DPYSL2: variants seen among roughly 807,000 people sequenced by gnomAD.
The protein encoded by DPYSL2 is dihydropyrimidinase like 2, also known as dihydropyrimidinase-related protein 2.
In DPYSL2, 13 loss-of-function variants were observed where a neutral mutation model predicts 69.9. That is an observed-to-expected ratio of 0.19 (90% confidence interval 0.12 to 0.30). DPYSL2 has a LOEUF of 0.30. Ranked by LOEUF, DPYSL2 falls within the 10% of genes least tolerant of loss-of-function variation. DPYSL2 has a pLI of 1.00. For missense variants in DPYSL2, 587 were observed against 918.9 expected (o/e 0.64, Z 4.67); for synonymous variants, 326 against 359.1 (o/e 0.91, Z 1.04).
At position 26,640,220 on chromosome 8, in the gene DPYSL2, A is replaced by T. The variant is rs1803009964; in HGVS notation, c.1127-3219A>T. Among the ~76,000 whole-genome samples, 2 of 152,180 alleles carry T rather than the reference A, an allele frequency of 1.3e-5. No homozygotes were observed. The highest frequency in any genetic ancestry group is 4.8e-5 in the African/African-American group (2 of 41,428). Reference sequence around the variant, plus strand: ...AACCGCAGCCTTCCATTTATTCTTCATGAATGCACACGGGCCCCAGACTGG... The same window carrying T: ...AACCGCAGCCTTCCATTTATTCTTCTTGAATGCACACGGGCCCCAGACTGG... On this transcript the variant is annotated intron_variant, in intron 8 of 13. Transcript: ENST00000521913. The surrounding 1 kb of genome is among the most constrained non-coding windows in gnomAD (Gnocchi z 4.2).
intron 1 of DPYSL2, among the ~76,000 whole-genome samples, chr8:26,522,132 A>ACC (rs1356132721): frequency 6.6e-6 from 1 of 151,734 alleles, no homozygotes; most frequent in Non-Finnish European, 1.5e-5. Context: ...ACATGGTGAA[A>ACC]CCCCATCTCT....
chr8:26,577,915 C>G, intron 1 of DPYSL2: 1 of 1,156,502 alleles, frequency 8.6e-7, no homozygotes, highest in South Asian at 2.0e-5. Flanking sequence ...GGCGCATGCG[C>G]CACGGTGGCC....
chr8:26,655,176 A>T (rs1803357070), intron 13 of DPYSL2, among the ~76,000 whole-genome samples: 1 of 151,864 alleles, frequency 6.6e-6, no homozygotes, highest in Non-Finnish European at 1.5e-5. Context: ...CTGTAGTCTA[A>T]ACTTCAGTGA....
chr8:26,522,479 G>A (rs1808404151), intron 1 of DPYSL2, among the ~76,000 whole-genome samples: 1 of 152,192 alleles, frequency 6.6e-6, no homozygotes. Context: ...AACATTTGAA[G>A]GTTCCAACTT....
At chr8:26,522,408 T>C (rs1454702591) in intron 1 of DPYSL2, among the ~76,000 whole-genome samples, 2 of 152,220 alleles carry the variant, frequency 1.3e-5, no homozygotes, top group Non-Finnish European at 2.9e-5. Context: ...TATGTTTAGC[T>C]CTTCGAGGAA....
rs1801884299 is a variant in DPYSL2, at chr8:26,597,320, G to C, written c.628+13337G>C. ...GCGGGGCCAGATTGAGCTGATTTCT[G>C]TCACGTAGGCTGCTCCGAGGTTGCC... On this transcript the variant is annotated intron_variant, in intron 3 of 13. Transcript: ENST00000521913. This position sits in a 1 kb window ranked among gnomAD's most constrained non-coding sequence, Gnocchi z 5.2. 6.6e-6 allele frequency among the ~76,000 whole-genome samples: 1 copy of C among 152,212 alleles called. No homozygotes were observed. Among genetic ancestry groups the C allele is most frequent in the Non-Finnish European group, 1.5e-5 (1 of 68,030 alleles).
At chr8:26,543,975 C>T (rs569766100) in intron 1 of DPYSL2, among the ~76,000 whole-genome samples, 15 of 152,292 alleles carry the variant, frequency 9.8e-5, no homozygotes, top group African/African-American at 3.4e-4. Flanking sequence ...AACATTCTAG[C>T]CTAGAACCTT....
intron 1 of DPYSL2, among the ~76,000 whole-genome samples, chr8:26,549,226 A>AATAATAATC (rs368363831): frequency 4.8e-5 from 7 of 145,480 alleles, no homozygotes; most frequent in African/African-American, 1.7e-4. Context: ...TAATAATAAT[A>AATAATAATC]ATCAAAAGGA....
rs1036187979 is a variant in DPYSL2 at position 26,565,974 on chromosome 8, G to A, written c.355-15995G>A. On this transcript the variant is annotated intron_variant, in intron 1 of 13. Transcript: ENST00000521913. This position sits in a 1 kb window ranked among gnomAD's most constrained non-coding sequence, Gnocchi z 4.1. ...TAGAACTCTGTCACATCTCACTGCC[G>A]ATGAGGGTGGGAAATGTAGTCCAGT... is the stretch of plus-strand genomic sequence containing the variant. Among the ~76,000 whole-genome samples the A allele has an allele frequency of 6.6e-6, 1 of 152,200 alleles. No individual in the cohort carries two copies. The highest frequency in any genetic ancestry group is 2.4e-5 in the African/African-American group (1 of 41,450).
Position 26,626,750 on chromosome 8 carries a change from C to G in DPYSL2, c.855+72C>G, listed in dbSNP as rs1438597187. 6.7e-7 allele frequency: 1 copy of G among 1,501,666 alleles called. No homozygotes were observed. Among genetic ancestry groups the G allele is most frequent in the Admixed American group, 1.7e-5 (1 of 58,444 alleles). The allele number at this position is 1,501,666 out of a possible 1,614,324, so 93.0% of individuals were successfully genotyped here. A position where few individuals can be genotyped will look rare whatever the true frequency, so the allele number is the denominator to read the frequency against. On this transcript the variant is annotated intron_variant, in intron 5 of 13. Coordinates refer to ENST00000521913, the MANE Select transcript of DPYSL2 (RefSeq NM_001197293.3). This position sits in a 1 kb window ranked among gnomAD's most constrained non-coding sequence, Gnocchi z 4.3. ...TTCAGGCTGTGGCCGTTTGGGAAAG[C>G]AGTCTCCGATGTATGCATGTTTCCT...
At chr8:26,645,424 T>G (rs1170908046) in intron 10 of DPYSL2, among the ~76,000 whole-genome samples, 1 of 151,934 alleles carries the variant, frequency 6.6e-6, no homozygotes, top group Non-Finnish European at 1.5e-5. Context: ...AATAATAATA[T>G]TGGCATCATA....
At chr8:26,628,898 G>A (rs1802676335) in intron 7 of DPYSL2, among the ~76,000 whole-genome samples, 1 of 152,142 alleles carries the variant, frequency 6.6e-6, no homozygotes, top group Non-Finnish European at 1.5e-5. Flanking sequence ...TTTGGGATGT[G>A]GTCATGTTCA....
intron 8 of DPYSL2, chr8:26,638,115 A>G (rs1052913667): frequency 2.0e-5 from 3 of 152,214 alleles, no homozygotes; most frequent in Admixed American, 1.3e-4. Flanking sequence ...AATTCATTGA[A>G]TGCATTTTCA....
chr8:26,548,368 T>G (rs1800814970), intron 1 of DPYSL2: 1 of 254,422 alleles, frequency 3.9e-6, no homozygotes, highest in African/African-American at 2.3e-5. Context: ...GAGAAAATTG[T>G]TAACCCAAAG....
At chr8:26,540,544 G>A (rs947578428) in intron 1 of DPYSL2, among the ~76,000 whole-genome samples, 1 of 152,174 alleles carries the variant, frequency 6.6e-6, no homozygotes, top group Admixed American at 6.5e-5. Context: ...AACCACGGAA[G>A]ACTACAAGTG....
intron 1 of DPYSL2, among the ~76,000 whole-genome samples, chr8:26,555,495 G>A (rs368408388): frequency 6.6e-5 from 10 of 152,166 alleles, no homozygotes; most frequent in African/African-American, 2.4e-4. Context: ...ACATACTATT[G>A]TTTATGTTAA....
At chr8:26,515,258 G>T (rs767665493) in intron 1 of DPYSL2, among the ~76,000 whole-genome samples, 18 of 152,152 alleles carry the variant, frequency 1.2e-4, no homozygotes, top group Admixed American at 2.0e-4. Context: ...CTTGACTCCT[G>T]CTCGCAGCGT....
intron 4 of DPYSL2, among the ~76,000 whole-genome samples, chr8:26,625,845 C>T (rs139542157): frequency 2.0e-5 from 3 of 152,226 alleles, no homozygotes; most frequent in Non-Finnish European, 2.9e-5. Context: ...ATTCAAGTTA[C>T]CATCTTAACC....
chr8:26,552,350 T>C (rs528212924), intron 1 of DPYSL2, among the ~76,000 whole-genome samples: 1 of 152,112 alleles, frequency 6.6e-6, no homozygotes, highest in South Asian at 2.1e-4. Context: ...GAAGAGCAAA[T>C]TAAATTCAAA....
Sources: gnomAD v4.1 joint callset for allele counts (sites outside exome capture counted in the v4.1 genomes callset) on GRCh38, gnomAD v4.1.1 for gene constraint, Gnocchi (gnomAD v3.1) non-coding constraint, MANE v1.5 for transcripts, NCBI Gene and HGNC (gene_info 2026-07-23, HGNC 2026-07-21) for gene names.